ZBTB20: variants seen among roughly 807,000 people sequenced by gnomAD.
ZBTB20 encodes the protein zinc finger and BTB domain containing 20.
Under a neutral mutation model 56.9 loss-of-function variants are expected in ZBTB20, and 9 were observed. That is an observed-to-expected ratio of 0.16 (90% CI 0.10 to 0.28). ZBTB20 has a LOEUF of 0.28. ZBTB20 is among the 10% of genes least tolerant of loss of function. The pLI is 1.00. For missense variants in ZBTB20, 655 were observed against 1,003.0 expected, an observed-to-expected ratio of 0.65 and a Z score of 4.69; for synonymous variants, 417 against 420.7, an observed-to-expected ratio of 0.99 and a Z score of 0.11.
At chr3:114,883,916 C>CCTTTTTTTTTTT (rs1223732179) in intron 4 of ZBTB20, among the ~76,000 whole-genome samples, 1,589 of 89,810 alleles carry the variant, frequency 0.018, 664 homozygotes, top group East Asian at 0.065. Flanking sequence ...ATGGTGTGTT[C>CCTTTTTTTTTTT]TTTTTTTTTT....
chr3:114,914,909 G>A (rs975588384), intron 3 of ZBTB20, among the ~76,000 whole-genome samples: 2 of 151,834 alleles, frequency 1.3e-5, no homozygotes, highest in African/African-American at 4.8e-5. Context: ...ATTGAGGCCT[G>A]GGATAAATTC....
intron 6 of ZBTB20, among the ~76,000 whole-genome samples, chr3:114,606,622 T>C (rs552358759): frequency 2.0e-5 from 3 of 152,236 alleles, no homozygotes; most frequent in Non-Finnish European, 4.4e-5. Flanking sequence ...GAAGACATGC[T>C]GGGCTGACAA....
At chr3:114,442,138 A>G (rs989428939) in intron 7 of ZBTB20, among the ~76,000 whole-genome samples, 1 of 152,130 alleles carries the variant, frequency 6.6e-6, no homozygotes, top group Admixed American at 6.6e-5. Context: ...CCCCTTTTAG[A>G]TAACAATTCA....
At chr3:114,562,368 T>G (rs1282778586) in intron 6 of ZBTB20, among the ~76,000 whole-genome samples, 1 of 152,120 alleles carries the variant, frequency 6.6e-6, no homozygotes, top group Non-Finnish European at 1.5e-5. Flanking sequence ...TTTCACCATG[T>G]TGGCCAGGAT....
rs547825657 is a variant in ZBTB20 at position 114,355,647 on chromosome 3, A to G, written c.200-3769T>C. On this transcript the variant is annotated intron_variant, in intron 10 of 11. Coordinates refer to ENST00000675478, the MANE Select transcript of ZBTB20 (RefSeq NM_001348800.3). ...TTTGTGAGCATGTCCTTTTCATCCAATGGGCATTAATGTATAGATTCCAAT... is the reference window on the plus strand; with the variant it reads ...TTTGTGAGCATGTCCTTTTCATCCAGTGGGCATTAATGTATAGATTCCAAT... Among the ~76,000 whole-genome samples, 15 of 152,278 alleles carry G rather than the reference A, an allele frequency of 9.9e-5. No individual in the cohort carries two copies. In the East Asian group the frequency reaches 2.9e-3, roughly 29 times the overall value.
chr3:114,582,421 GT>G (rs1292848140), intron 6 of ZBTB20, among the ~76,000 whole-genome samples: 2 of 148,104 alleles, frequency 1.4e-5, no homozygotes, highest in Non-Finnish European at 3.0e-5. Context: ...GTCTCACTCT[GT>G]CCACCAGGCT....
intron 5 of ZBTB20, among the ~76,000 whole-genome samples, chr3:114,723,506 A>C (rs1397753758): frequency 6.6e-6 from 1 of 152,202 alleles, no homozygotes; most frequent in Admixed American, 6.5e-5. Context: ...AAATTCTTTA[A>C]CAAGTATGAG....
At chr3:115,038,297 C>A (rs1340631234) in intron 2 of ZBTB20, among the ~76,000 whole-genome samples, 1 of 152,124 alleles carries the variant, frequency 6.6e-6, no homozygotes, top group Non-Finnish European at 1.5e-5. Flanking sequence ...TACTCATAAA[C>A]CCAATTAACA....
intron 2 of ZBTB20, among the ~76,000 whole-genome samples, chr3:115,069,591 A>AG (rs1403749519): frequency 6.6e-6 from 1 of 152,172 alleles, no homozygotes; most frequent in Non-Finnish European, 1.5e-5. Context: ...ATAAATCCTG[A>AG]GAAAAAAAGG....
At chr3:114,521,058 A>T (rs61065370) in intron 6 of ZBTB20, among the ~76,000 whole-genome samples, 3 of 152,048 alleles carry the variant, frequency 2.0e-5, no homozygotes, top group African/African-American at 7.2e-5. Context: ...AATTTATTAA[A>T]CTTACAAATT....
intron 2 of ZBTB20, among the ~76,000 whole-genome samples, chr3:115,047,980 G>C (rs920983567): frequency 1.3e-5 from 2 of 152,030 alleles, no homozygotes; most frequent in Non-Finnish European, 1.5e-5. Flanking sequence ...CAGCACTTTG[G>C]GAGGCTGAGG....
At chr3:115,023,980 T>A (rs1274705128) in intron 2 of ZBTB20, among the ~76,000 whole-genome samples, 1 of 151,150 alleles carries the variant, frequency 6.6e-6, no homozygotes. Flanking sequence ...TACTGTATAA[T>A]TTTTGAGACT....
chr3:114,522,426 C>T lies in ZBTB20; in HGVS notation c.-294-22035G>A, dbSNP rs1577270211. ...TGAATATGGAGGGTCTTGTGAACTA[C>T]TGCAAAGGCTTTTCTTCCAAGTGAG... On this transcript the variant is annotated intron_variant, in intron 6 of 11. Transcript: ENST00000675478. Among the ~76,000 whole-genome samples, 3 of 152,232 alleles carry T rather than the reference C, an allele frequency of 2.0e-5. No homozygotes were observed. In the South Asian group the frequency reaches 6.2e-4, roughly 32 times the overall value.
Position 114,404,470 on chromosome 3 carries a change from A to G in ZBTB20, c.-254-15365T>C, listed in dbSNP as rs184280927. On this transcript the variant is annotated intron_variant, in intron 7 of 11. Coordinates refer to ENST00000675478, the MANE Select transcript of ZBTB20 (RefSeq NM_001348800.3). ...TTCAGTTGAAGCAGTATAAGAAAAC[A>G]TCCTAACGCCGAGGGGAAGAAAACA... Among the ~76,000 whole-genome samples, 7 of 152,312 alleles carry G rather than the reference A, an allele frequency of 4.6e-5. No individual in the cohort carries two copies. In the East Asian group the frequency reaches 1.4e-3, roughly 29 times the overall value.
At chr3:114,552,436 T>C (rs9289000) in intron 6 of ZBTB20, among the ~76,000 whole-genome samples, 1 of 151,664 alleles carries the variant, frequency 6.6e-6, no homozygotes, top group Admixed American at 6.6e-5. Flanking sequence ...CTGTTTTTTT[T>C]TTTTTCCACT....
rs184519869 is a variant in ZBTB20, at chr3:115,030,953, T to C, written c.-507+40266A>G. On this transcript the variant is annotated intron_variant, in intron 2 of 11. Transcript: ENST00000675478. ...TGTTTGGCTAAGTACCCTAGTACTT[T>C]AATAAAAATTCAATATGCACAAATT... Among the ~76,000 whole-genome samples, 66 of 151,556 alleles carry C rather than the reference T, an allele frequency of 4.4e-4. 1 individual carries two copies. The South Asian group carries it at 0.012, about 28-fold the overall frequency.
intron 4 of ZBTB20, among the ~76,000 whole-genome samples, chr3:114,899,580 G>A (rs1366545005): frequency 6.6e-6 from 1 of 152,118 alleles, no homozygotes; most frequent in African/African-American, 2.4e-5. Flanking sequence ...ATATTCAGAA[G>A]CTAAAACCAG....
chr3:114,371,258 T>C (rs1214294517), intron 10 of ZBTB20, among the ~76,000 whole-genome samples: 2 of 152,190 alleles, frequency 1.3e-5, no homozygotes, highest in African/African-American at 4.8e-5. Context: ...TGGATTAAAA[T>C]ATACTTTACA....
At chr3:114,908,758 G>T (rs1317482717) in intron 3 of ZBTB20, among the ~76,000 whole-genome samples, 1 of 151,828 alleles carries the variant, frequency 6.6e-6, no homozygotes, top group Non-Finnish European at 1.5e-5. Flanking sequence ...AGGCAGATTT[G>T]ATAAATATAC....
Sources: gnomAD v4.1 joint callset for allele counts (sites outside exome capture counted in the v4.1 genomes callset) on GRCh38, gnomAD v4.1.1 for gene constraint, MANE v1.5 for transcripts, NCBI Gene and HGNC (gene_info 2026-07-23, HGNC 2026-07-21) for gene names.